The following PGLYRP4 variants were observed in gnomAD, a reference collection of about 807,000 sequenced individuals.
PGLYRP4 encodes PGRP-I-beta.
PGLYRP4 carries 39 observed loss-of-function variants against 41.2 expected under a neutral mutation model. The observed-to-expected ratio is 0.95, with a 90% confidence interval of 0.73 to 1.24. The LOEUF is 1.24. Ranked by LOEUF, PGLYRP4 falls within the 50% of genes most tolerant of loss-of-function variation. The probability of loss-of-function intolerance (pLI) is 0.00; values close to 1 mark genes in which losing one functional copy is unlikely to be tolerated. For synonymous variants in PGLYRP4, 202 were observed against 186.8 expected (o/e 1.08, Z -0.66); for missense variants, 467 against 460.7 (o/e 1.01, Z -0.13).
intron 6 of PGLYRP4, 138 bp downstream of exon 6, chr1:153,341,489 G>T (rs1200725617): frequency 2.6e-6 from 2 of 761,574 alleles, no homozygotes; most frequent in East Asian, 5.1e-5. Flanking sequence ...AGCCCCAAGA[G>T]TTCAGAGAGT....
intron 6 of PGLYRP4, 147 bp from the exon 7 acceptor site, chr1:153,340,726 A>G (rs1660765404): frequency 1.5e-6 from 1 of 660,154 alleles, no homozygotes; most frequent in Non-Finnish European, 2.6e-6. Context: ...CCTGCCCCCA[A>G]CAGTGGGACT....
At chr1:153,346,577 G>C (rs2916212) in intron 2 of PGLYRP4, among the ~76,000 whole-genome samples, 126,386 of 152,240 alleles carry the variant, frequency 0.83, 52,650 homozygotes, top group East Asian at 0.88. Context: ...GTGTGAAGAA[G>C]GGGTTAGAAT....
chr1:153,347,167 G>A lies in PGLYRP4; in HGVS notation c.49+717C>T, dbSNP rs529207879. Among the ~76,000 whole-genome samples, 16 of 151,768 alleles carry A rather than the reference G, an allele frequency of 1.1e-4. 1 individual carries two copies. The East Asian group carries it at 2.7e-3, about 26-fold the overall frequency. On this transcript the variant is annotated intron_variant, in intron 2 of 8. Transcript: ENST00000359650. Reference sequence around the variant, plus strand: ...CGGCTCACTACAACCTCTGCCTCCCGGGTTCAAGCAGTTCTCTCATGCCTC... The same window carrying A: ...CGGCTCACTACAACCTCTGCCTCCCAGGTTCAAGCAGTTCTCTCATGCCTC...
At chr1:153,334,977 G>C (rs1283334691) in intron 8 of PGLYRP4, among the ~76,000 whole-genome samples, 1 of 152,102 alleles carries the variant, frequency 6.6e-6, no homozygotes, top group Non-Finnish European at 1.5e-5. Context: ...TGAATAAATG[G>C]TGCTGAGAAA....
chr1:153,344,459 GCCCTGTCCCCCAGGAAGGCATTCACTC>G (rs1221480587), intron 4 of PGLYRP4, among the ~76,000 whole-genome samples: 1 of 152,118 alleles, frequency 6.6e-6, no homozygotes, highest in Non-Finnish European at 1.5e-5. Context: ...TACACACCAA[GCCCTGTCCCCCAGGAAGGCATTCACTC>G]CCTTTTGTCG....
intron 3 of PGLYRP4, among the ~76,000 whole-genome samples, chr1:153,345,724 A>G (rs894185070): frequency 2.6e-5 from 4 of 152,110 alleles, no homozygotes; most frequent in Admixed American, 1.3e-4. Flanking sequence ...TCAGCATTCA[A>G]TGTGTGCTCT....
chr1:153,334,308 A>G (rs1215357245), intron 8 of PGLYRP4, among the ~76,000 whole-genome samples: 3 of 151,504 alleles, frequency 2.0e-5, no homozygotes, highest in Non-Finnish European at 4.4e-5. Flanking sequence ...ATAGCTACAT[A>G]TAGATAGATA....
intron 2 of PGLYRP4, among the ~76,000 whole-genome samples, chr1:153,347,291 G>A (rs141290594): frequency 6.6e-5 from 10 of 152,002 alleles, no homozygotes; most frequent in African/African-American, 1.7e-4. Flanking sequence ...TGCATGCCTC[G>A]GCTTCCCAAA....
chr1:153,339,601 T>A (rs557096227), intron 7 of PGLYRP4, among the ~76,000 whole-genome samples: 98 of 152,358 alleles, frequency 6.4e-4, no homozygotes, highest in African/African-American at 2.2e-3. Context: ...TAACGCCGGA[T>A]GTCTTATCTG....
At chr1:153,346,453 T>C (rs1341995799) in intron 2 of PGLYRP4, among the ~76,000 whole-genome samples, 1 of 149,460 alleles carries the variant, frequency 6.7e-6, no homozygotes, top group Non-Finnish European at 1.5e-5. Flanking sequence ...TCTCATGAGC[T>C]GTATCTACAC....
chr1:153,330,442 G>T lies in PGLYRP4; in HGVS notation c.*325C>A. On this transcript the variant is annotated 3_prime_UTR_variant, in exon 9 of 9. Coordinates refer to ENST00000359650, the MANE Select transcript of PGLYRP4 (RefSeq NM_020393.4). The stretch of plus-strand genomic sequence containing the variant: ...ACCAGGGGAAGGCTCACCAGGCAGA[G>T]GGGAATGGAGAGAGAGAGAGAAATG... The T allele has an allele frequency of 5.2e-6, 1 of 192,278 alleles. No homozygotes were observed. The highest frequency in any genetic ancestry group is 1.1e-5 in the Non-Finnish European group (1 of 90,878). The allele number at this position is 192,278 out of a possible 1,614,324, so 11.9% of individuals were successfully genotyped here.
At chr1:153,342,980 T>A in intron 5 of PGLYRP4, 110 bp downstream of exon 5, 1 of 528,970 alleles carries the variant, frequency 1.9e-6, no homozygotes, top group Non-Finnish European at 3.2e-6. Context: ...TTCAGAGAAG[T>A]ATGAGAAGGA....
Position 153,340,451 on chromosome 1 carries a change from A to T in PGLYRP4, c.754T>A (p.Cys252Ser). The change falls in exon 7 of 9, where the codon TGC (cysteine) becomes AGC (serine). Residue 252 changes from cysteine to serine, a missense_variant. By Grantham distance (112) the Cys-to-Ser change is moderately radical. Coordinates refer to ENST00000359650, the MANE Select transcript of PGLYRP4 (RefSeq NM_020393.4). ...TGGATGTCCCGGACCAGCAGGCGGCACTCATCAGAAATGTTGCAGGTCCTC... is the reference window on the plus strand; with the variant it reads ...TGGATGTCCCGGACCAGCAGGCGGCTCTCATCAGAAATGTTGCAGGTCCTC... Reference protein sequence around the residue: ...AGRTCNISDECRLLVRDIQSF... With the variant: ...AGRTCNISDESRLLVRDIQSF... 1 of 1,614,208 alleles carries T rather than the reference A, an allele frequency of 6.2e-7. No individual in the cohort carries two copies. The highest frequency in any genetic ancestry group is 8.5e-7 in the Non-Finnish European group (1 of 1,180,036).
intron 8 of PGLYRP4, among the ~76,000 whole-genome samples, chr1:153,335,859 C>A (rs1346977255): frequency 6.6e-6 from 1 of 151,948 alleles, no homozygotes; most frequent in Middle Eastern, 3.2e-3. Flanking sequence ...TATCAAAGAG[C>A]TAAAAATAAA....
At chr1:153,341,893 G>A in intron 5 of PGLYRP4, 114 bp from the exon 6 acceptor site, 3 of 977,382 alleles carry the variant, frequency 3.1e-6, no homozygotes, top group Non-Finnish European at 4.5e-6. Context: ...AGGAAGAAAA[G>A]GGAACAGGTT....
intron 7 of PGLYRP4, among the ~76,000 whole-genome samples, chr1:153,338,100 C>T (rs993922259): frequency 1.3e-5 from 2 of 152,196 alleles, no homozygotes; most frequent in Non-Finnish European, 2.9e-5. Context: ...CACAACTGGA[C>T]CCATCTTCTT....
intron 8 of PGLYRP4, among the ~76,000 whole-genome samples, chr1:153,335,072 G>A (rs1042002191): frequency 3.9e-5 from 6 of 152,100 alleles, no homozygotes; most frequent in Non-Finnish European, 8.8e-5. Context: ...TTAAATTTAA[G>A]ATCTCAAACT....
At chr1:153,339,671 G>A (rs945071658) in intron 7 of PGLYRP4, among the ~76,000 whole-genome samples, 3 of 152,078 alleles carry the variant, frequency 2.0e-5, no homozygotes, top group African/African-American at 4.8e-5. Context: ...TTCATTTTGT[G>A]TGTTTGTGTA....
In PGLYRP4 at chr1:153,347,006, A is replaced by T. The variant is rs1358732925; in HGVS notation, c.50-815T>A. On this transcript the variant is annotated intron_variant, in intron 2 of 8. Transcript: ENST00000359650. ...CTATAGGCTCCAAGTTCTGTGCTCT[A>T]TGTACAATCTATTCTTTCTCCTTAA... Among the ~76,000 whole-genome samples the T allele has an allele frequency of 4.6e-5, 7 of 152,176 alleles. No homozygotes were observed. In the East Asian group the frequency reaches 1.3e-3, roughly 29 times the overall value.
Sources: gnomAD v4.1 joint callset for allele counts (sites outside exome capture counted in the v4.1 genomes callset) on GRCh38, gnomAD v4.1.1 for gene constraint, MANE v1.5 for transcripts, NCBI Gene and HGNC (gene_info 2026-07-23, HGNC 2026-07-21) for gene names.